NRP2: variants seen among roughly 807,000 people sequenced by gnomAD.
NRP2 encodes neuropilin-2.
In NRP2, 52 loss-of-function variants were observed where a neutral mutation model predicts 110.4. The ratio of observed to expected loss-of-function variants is 0.47; its 90% CI spans 0.38 to 0.59. NRP2 has a LOEUF of 0.59. Ranked by LOEUF, NRP2 falls within the 20% of genes least tolerant of loss-of-function variation. The pLI is 0.00. For synonymous variants in NRP2, 508 were observed against 468.9 expected (o/e 1.08, Z -1.08); for missense variants, 1,049 against 1,203.0 (o/e 0.87, Z 1.89).
At chr2:205,783,373 G>C (rs1267594076) in intron 15 of NRP2, among the ~76,000 whole-genome samples, 1 of 152,186 alleles carries the variant, frequency 6.6e-6, no homozygotes, top group East Asian at 1.9e-4. Context: ...TTTCTTCAAA[G>C]AATGCCTGTG....
At chr2:205,720,654 A>G (rs1402103361) in intron 3 of NRP2, among the ~76,000 whole-genome samples, 7 of 152,362 alleles carry the variant, frequency 4.6e-5, no homozygotes, top group South Asian at 4.1e-4. Context: ...CACAGCAGCC[A>G]TAAACTCTAA....
At chr2:205,711,310 G>C (rs181824443) in intron 2 of NRP2, among the ~76,000 whole-genome samples, 1 of 152,202 alleles carries the variant, frequency 6.6e-6, no homozygotes, top group Admixed American at 6.5e-5. Context: ...GTCTGGTGCA[G>C]GAGACAGATC....
At chr2:205,736,061 G>A (rs1405405470) in intron 7 of NRP2, among the ~76,000 whole-genome samples, 2 of 152,170 alleles carry the variant, frequency 1.3e-5, no homozygotes, top group Non-Finnish European at 2.9e-5. Context: ...TAAAAAGTGG[G>A]CCAGGCATGG....
At chr2:205,737,589 G>A (rs1369725340) in intron 7 of NRP2, among the ~76,000 whole-genome samples, 2 of 152,186 alleles carry the variant, frequency 1.3e-5, no homozygotes, top group African/African-American at 4.8e-5. Flanking sequence ...ATAAGATGGT[G>A]TTCCTTCACC....
intron 12 of NRP2, among the ~76,000 whole-genome samples, chr2:205,756,196 G>A (rs560564642): frequency 6.6e-6 from 1 of 152,202 alleles, no homozygotes; most frequent in South Asian, 2.1e-4. Flanking sequence ...TGCCTGGAGT[G>A]TGTTCACACC....
Position 205,728,018 on chromosome 2 carries a change from TG to T in NRP2, c.1120del (p.Val374CysfsTer22). 1 of 1,614,146 alleles carries T rather than the reference TG, an allele frequency of 6.2e-7. No homozygotes were observed. Among genetic ancestry groups the T allele is most frequent in the East Asian group, 2.2e-5 (1 of 44,876 alleles). ...GTCAGCACTAATGGAGAGGACTGGA[TG>T]GTGTACCGGCATGGCAAAAACCACA... ...LEVSTNGEDWMVYRHGKNHKV... is the reference protein window; with the variant it reads ...LEVSTNGEDWXVYRHGKNHKV... On this transcript the variant is annotated frameshift_variant, in exon 7 of 17. Transcript: ENST00000357785. LOFTEE classifies it high-confidence loss of function.
chr2:205,686,307 C>T lies in NRP2; in HGVS notation c.73+2944C>T, dbSNP rs917472984. On this transcript the variant is annotated intron_variant, in intron 1 of 16. Coordinates refer to ENST00000357785, the MANE Select transcript of NRP2 (RefSeq NM_003872.3). This position sits in a 1 kb window ranked among gnomAD's most constrained non-coding sequence, Gnocchi z 4.7. ...TGCCCTATGCCGGAAAGTTAGGTCT[C>T]GGCTGCAGCGCTGGTCTCTGGAGAA... Among the ~76,000 whole-genome samples, 3 of 152,152 alleles carry T rather than the reference C, an allele frequency of 2.0e-5. No individual in the cohort carries two copies. Among genetic ancestry groups the T allele is most frequent in the African/African-American group, 7.2e-5 (3 of 41,430 alleles).
rs1355243892 is a variant in NRP2, at chr2:205,788,987, G to A, written c.2426-3248G>A. Among the ~76,000 whole-genome samples the A allele has an allele frequency of 4.6e-5, 7 of 152,160 alleles. No individual in the cohort carries two copies. In the East Asian group the frequency reaches 1.3e-3, roughly 29 times the overall value. ...CCTGCTCTGGGTGATGCCTGTCATG[G>A]AAAGCATGAAACCCCAAATTTCAGA... is the stretch of plus-strand genomic sequence containing the variant. On this transcript the variant is annotated intron_variant, in intron 15 of 16. Transcript: ENST00000357785.
intron 1 of NRP2, among the ~76,000 whole-genome samples, chr2:205,684,943 C>A (rs1012270026): frequency 2.8e-4 from 43 of 152,354 alleles, no homozygotes; most frequent in African/African-American, 9.9e-4. Context: ...TAGGCCCCAG[C>A]GCGCGAGCGC....
At chr2:205,749,504 G>A (rs1158324418) in intron 10 of NRP2, among the ~76,000 whole-genome samples, 2 of 152,096 alleles carry the variant, frequency 1.3e-5, no homozygotes, top group Non-Finnish European at 2.9e-5. Flanking sequence ...GTGGGTTTGT[G>A]TCCCTACCTC....
At chr2:205,751,871 C>T (rs947021702) in intron 11 of NRP2, among the ~76,000 whole-genome samples, 3 of 152,174 alleles carry the variant, frequency 2.0e-5, no homozygotes, top group African/African-American at 4.8e-5. Flanking sequence ...CCACTGTCTC[C>T]GCAGGCACTG....
At chr2:205,706,210 C>T (rs767115339) in intron 2 of NRP2, among the ~76,000 whole-genome samples, 7 of 152,066 alleles carry the variant, frequency 4.6e-5, no homozygotes, top group Non-Finnish European at 5.9e-5. Context: ...CGAGAGAATT[C>T]GCCTGCCTTT....
intron 12 of NRP2, among the ~76,000 whole-genome samples, chr2:205,758,954 A>G (rs374976071): frequency 7.2e-5 from 11 of 152,132 alleles, no homozygotes; most frequent in African/African-American, 2.4e-4. Context: ...TGACGGTCCA[A>G]GTAATCAGTA....
At chr2:205,777,277 A>C (rs574662572) in intron 15 of NRP2, 340 of 356,430 alleles carry the variant, frequency 9.5e-4, no homozygotes, top group Non-Finnish European at 1.2e-3. Context: ...ACCCAAGAGA[A>C]GGTTCCCCTA....
At chr2:205,744,637 C>T (rs894044202) in intron 9 of NRP2, among the ~76,000 whole-genome samples, 1 of 152,184 alleles carries the variant, frequency 6.6e-6, no homozygotes, top group Non-Finnish European at 1.5e-5. Context: ...TCTCTAGTTA[C>T]CCCTTGTTTT....
chr2:205,770,219 T>A (rs934775690), intron 15 of NRP2, among the ~76,000 whole-genome samples: 5 of 152,130 alleles, frequency 3.3e-5, no homozygotes, highest in Admixed American at 6.5e-5. Flanking sequence ...CAGCTGGGAA[T>A]GTGGGGTTTA....
chr2:205,721,959 A>G (rs1362052542), intron 3 of NRP2, among the ~76,000 whole-genome samples: 1 of 152,084 alleles, frequency 6.6e-6, no homozygotes. Context: ...TGGAGGGAGA[A>G]GGGGGCACTT....
intron 2 of NRP2, among the ~76,000 whole-genome samples, chr2:205,714,674 T>C (rs1020553353): frequency 1.3e-5 from 2 of 151,756 alleles, no homozygotes; most frequent in Non-Finnish European, 2.9e-5. Context: ...TCTCCATTTC[T>C]CCCTGGGGGT....
intron 15 of NRP2, among the ~76,000 whole-genome samples, chr2:205,787,803 C>G (rs768717431): frequency 1.1e-4 from 17 of 151,060 alleles, no homozygotes; most frequent in Non-Finnish European, 2.2e-4. Context: ...TAAGAGAGGG[C>G]CTTCTTATTT....
Sources: allele counts gnomAD v4.1 joint callset (sites outside exome capture counted in the v4.1 genomes callset), GRCh38; gene constraint gnomAD v4.1.1; non-coding constraint Gnocchi (gnomAD v3.1); transcripts MANE v1.5; gene names NCBI Gene and HGNC (gene_info 2026-07-23, HGNC 2026-07-21).